Variants in NCAM2 observed in about 807,000 individuals in gnomAD.
NCAM2 encodes the protein neural cell adhesion molecule 2.
NCAM2 carries 30 observed loss-of-function variants against 98.1 expected under a neutral mutation model. The observed-to-expected ratio is 0.31, with a 90% CI of 0.23 to 0.41. The LOEUF is 0.41. NCAM2 is among the 10% of genes least tolerant of loss of function. The pLI, the probability that NCAM2 is intolerant of heterozygous loss-of-function variation, is 1.00. For synonymous variants in NCAM2, 368 were observed against 342.4 expected (o/e 1.07, Z -0.83); for missense variants, 867 against 1,005.8 (o/e 0.86, Z 1.87).
chr21:21,331,235 C>T (rs2147833585), intron 6 of NCAM2, among the ~76,000 whole-genome samples: 1 of 151,772 alleles, frequency 6.6e-6, no homozygotes, highest in South Asian at 2.1e-4. Flanking sequence ...CTCTCGGGCT[C>T]AAGTGATCTT....
intron 1 of NCAM2, among the ~76,000 whole-genome samples, chr21:21,035,774 A>T (rs1412713249): frequency 2.0e-5 from 3 of 152,150 alleles, no homozygotes; most frequent in African/African-American, 7.2e-5. Context: ...TTGAACACAC[A>T]CTTTAGGATT....
intron 1 of NCAM2, among the ~76,000 whole-genome samples, chr21:21,069,239 A>C (rs2065506635): frequency 1.3e-5 from 2 of 152,162 alleles, no homozygotes; most frequent in African/African-American, 4.8e-5. Context: ...TGATTTATTA[A>C]TATGTACTTA....
chr21:21,429,588 C>T (rs1193799721), intron 11 of NCAM2, among the ~76,000 whole-genome samples: 2 of 152,100 alleles, frequency 1.3e-5, no homozygotes, highest in Non-Finnish European at 2.9e-5. Flanking sequence ...TTGGATCAAA[C>T]TTATAAGTAA....
intron 12 of NCAM2, among the ~76,000 whole-genome samples, chr21:21,435,920 A>G (rs939378159): frequency 3.3e-5 from 5 of 152,318 alleles, no homozygotes; most frequent in Non-Finnish European, 7.4e-5. Flanking sequence ...GCATGAATGT[A>G]AATATGTAAC....
At position 21,480,646 on chromosome 21, in the gene NCAM2, GAAAT is replaced by G. The variant is rs775680439; in HGVS notation, c.2077+3182_2077+3185del. Among the ~76,000 whole-genome samples, 6 of 152,246 alleles carry G rather than the reference GAAAT, an allele frequency of 3.9e-5. No individual in the cohort carries two copies. In the Middle Eastern group the frequency reaches 0.017, roughly 432 times the overall value. ...CGTAATTGTAAAACATCTTCCAAAA[GAAAT>G]AAATAATTGTAAGCAGAAAAGTTGT... On this transcript the variant is annotated intron_variant, in intron 15 of 17. Transcript: ENST00000400546.
chr21:21,082,905 T>C (rs1445371248), intron 1 of NCAM2, among the ~76,000 whole-genome samples: 1 of 152,190 alleles, frequency 6.6e-6, no homozygotes, highest in Non-Finnish European at 1.5e-5. Flanking sequence ...ACTTTCAGAA[T>C]TGAGGTCAAA....
chr21:21,356,470 AT>A (rs1282221299), intron 8 of NCAM2, among the ~76,000 whole-genome samples: 1 of 152,128 alleles, frequency 6.6e-6, no homozygotes, highest in Non-Finnish European at 1.5e-5. Flanking sequence ...TATTTATAAA[AT>A]GTGAAGATTA....
intron 5 of NCAM2, 63 bp from the exon 6 acceptor site, chr21:21,324,320 C>T: frequency 8.5e-7 from 1 of 1,179,518 alleles, no homozygotes; most frequent in Non-Finnish European, 1.2e-6. Flanking sequence ...AGCAAAAATT[C>T]TCTAAATGAT....
At chr21:21,318,141 A>G (rs748906928) in intron 5 of NCAM2, among the ~76,000 whole-genome samples, 35 of 152,192 alleles carry the variant, frequency 2.3e-4, no homozygotes, top group Non-Finnish European at 4.0e-4. Flanking sequence ...TGGGACCTCA[A>G]GGTTTCTTGA....
chr21:21,129,079 A>G (rs906386482), intron 1 of NCAM2, among the ~76,000 whole-genome samples: 2 of 152,152 alleles, frequency 1.3e-5, no homozygotes, highest in Non-Finnish European at 2.9e-5. Flanking sequence ...TTAAGTTTTC[A>G]GGTAAACAAA....
At chr21:21,425,815 T>A (rs1426676543) in intron 11 of NCAM2, among the ~76,000 whole-genome samples, 1 of 152,220 alleles carries the variant, frequency 6.6e-6, no homozygotes, top group East Asian at 1.9e-4. Flanking sequence ...GCATTTCAGA[T>A]GTATTGCAGG....
At chr21:21,254,566 T>G (rs1210693316) in intron 1 of NCAM2, among the ~76,000 whole-genome samples, 2 of 152,180 alleles carry the variant, frequency 1.3e-5, no homozygotes, top group Non-Finnish European at 2.9e-5. Context: ...TGAAAAAAGG[T>G]GAACTTTAAT....
At chr21:21,011,498 A>G (rs1304270987) in intron 1 of NCAM2, among the ~76,000 whole-genome samples, 2 of 151,944 alleles carry the variant, frequency 1.3e-5, no homozygotes, top group African/African-American at 4.8e-5. Flanking sequence ...ATATGGCATG[A>G]TTTTTTGACG....
At chr21:21,103,022 T>C (rs1384525835) in intron 1 of NCAM2, among the ~76,000 whole-genome samples, 2 of 152,082 alleles carry the variant, frequency 1.3e-5, no homozygotes, top group Admixed American at 6.6e-5. Context: ...GATTCATTCT[T>C]GTGAATCAAC....
Position 21,066,911 on chromosome 21 carries a change from A to G in NCAM2, c.55+68293A>G, listed in dbSNP as rs190704817. 2.6e-5 allele frequency among the ~76,000 whole-genome samples: 4 copies of G among 152,150 alleles called. No homozygotes were observed. In the East Asian group the frequency reaches 7.7e-4, roughly 29 times the overall value. On this transcript the variant is annotated intron_variant, in intron 1 of 17. Coordinates refer to ENST00000400546, the MANE Select transcript of NCAM2 (RefSeq NM_004540.5). ...TTTGATCTTAGCAATGGAGAGAACT[A>G]CAGCATAACTGTAGCGTGTGTTAGA...
intron 5 of NCAM2, among the ~76,000 whole-genome samples, chr21:21,318,613 G>T (rs953021969): frequency 3.3e-5 from 5 of 152,044 alleles, no homozygotes; most frequent in Admixed American, 1.3e-4. Flanking sequence ...ATTGTATAAT[G>T]TCTACTGAGG....
intron 1 of NCAM2, among the ~76,000 whole-genome samples, chr21:21,138,591 G>T (rs1036296632): frequency 6.6e-6 from 1 of 151,854 alleles, no homozygotes; most frequent in Non-Finnish European, 1.5e-5. Flanking sequence ...TAACATTATT[G>T]CCATCCTCTC....
intron 9 of NCAM2, among the ~76,000 whole-genome samples, chr21:21,401,975 A>G (rs549220520): frequency 1.3e-5 from 2 of 152,246 alleles, no homozygotes; most frequent in Admixed American, 6.5e-5. Context: ...TCTTACTTTA[A>G]TCTCTTAATC....
intron 1 of NCAM2, among the ~76,000 whole-genome samples, chr21:21,120,750 C>T (rs1393201997): frequency 4.2e-5 from 6 of 142,408 alleles, no homozygotes; most frequent in Admixed American, 1.5e-4. Flanking sequence ...GATGGAGTCT[C>T]TCTCTGTCAC....
Sources: gnomAD v4.1 joint callset for allele counts (sites outside exome capture counted in the v4.1 genomes callset) on GRCh38, gnomAD v4.1.1 for gene constraint, MANE v1.5 for transcripts, NCBI Gene and HGNC (gene_info 2026-07-23, HGNC 2026-07-21) for gene names.